KIF15: variants seen among roughly 807,000 people sequenced by gnomAD.
The protein encoded by KIF15 is kinesin-like protein KIF15.
Under a neutral mutation model 190.6 loss-of-function variants are expected in KIF15, and 140 were observed. The observed-to-expected ratio is 0.73, with a 90% CI of 0.64 to 0.84. KIF15 has a LOEUF of 0.84. KIF15 is among the 40% of genes least tolerant of loss of function. The pLI is 0.00. For synonymous variants in KIF15, 528 were observed against 551.3 expected (o/e 0.96, Z 0.59); for missense variants, 1,372 against 1,584.4 (o/e 0.87, Z 2.28).
At chr3:44,833,513 C>T (rs941494558) in intron 26 of KIF15, among the ~76,000 whole-genome samples, 3 of 151,854 alleles carry the variant, frequency 2.0e-5, no homozygotes, top group African/African-American at 2.4e-5. Flanking sequence ...AGTGCCCAAA[C>T]GAGATCCCTG....
chr3:44,795,615 G>A (rs373107587), intron 8 of KIF15, among the ~76,000 whole-genome samples: 1 of 152,074 alleles, frequency 6.6e-6, no homozygotes, highest in African/African-American at 2.4e-5. Context: ...TAAGTATCTA[G>A]TCCTAGGCTA....
chr3:44,801,272 T>C (rs927401735), intron 11 of KIF15, among the ~76,000 whole-genome samples, 178 bp from the exon 12 acceptor site: 2 of 151,510 alleles, frequency 1.3e-5, no homozygotes, highest in African/African-American at 2.4e-5. Context: ...AAGAAAGATA[T>C]CCGTCTGCTT....
At chr3:44,828,672 A>C (rs931672919) in intron 24 of KIF15, among the ~76,000 whole-genome samples, 1 of 152,230 alleles carries the variant, frequency 6.6e-6, no homozygotes, top group Admixed American at 6.5e-5. Flanking sequence ...TGTATGTCCA[A>C]GTTTAAATTA....
At chr3:44,827,017 C>A in intron 22 of KIF15, 1 of 456,552 alleles carries the variant, frequency 2.2e-6, no homozygotes, top group Non-Finnish European at 4.4e-6. Flanking sequence ...CAGTGGTGAA[C>A]GTAGAGCTTA....
chr3:44,838,239 C>T, intron 26 of KIF15, 36 bp from the exon 27 acceptor site: 1 of 1,557,524 alleles, frequency 6.4e-7, no homozygotes, highest in Non-Finnish European at 8.7e-7. Context: ...ATTGGAATAC[C>T]ATAATTAAGA....
intron 3 of KIF15, 54 bp downstream of exon 3, chr3:44,775,491 C>T: frequency 7.4e-7 from 1 of 1,358,998 alleles, no homozygotes; most frequent in Non-Finnish European, 1.0e-6. Context: ...GAGTCTCACT[C>T]TGTCACCAGG....
intron 20 of KIF15, among the ~76,000 whole-genome samples, chr3:44,821,657 G>C (rs1395403106): frequency 6.6e-6 from 1 of 152,050 alleles, no homozygotes; most frequent in East Asian, 1.9e-4. Flanking sequence ...GCCAGGCAGA[G>C]GGGCTCCTCA....
intron 16 of KIF15, 130 bp downstream of exon 16, chr3:44,806,116 ACTGGTCT>A: frequency 9.8e-7 from 1 of 1,018,936 alleles, no homozygotes; most frequent in Non-Finnish European, 1.4e-6. Flanking sequence ...CCGGTGTCAC[ACTGGTCT>A]TTGGGTTACT....
intron 6 of KIF15, chr3:44,862,041 C>T: frequency 7.3e-7 from 1 of 1,370,846 alleles, no homozygotes; most frequent in South Asian, 1.8e-5. Context: ...GCTTTTGGGG[C>T]GTATTCAACT....
At chr3:44,864,188 C>T (rs138103466) in intron 6 of KIF15, 1 of 1,613,552 alleles carries the variant, frequency 6.2e-7, no homozygotes, top group African/African-American at 1.3e-5. Flanking sequence ...GTGACACTTT[C>T]TCCTGCAGGT....
intron 5 of KIF15, among the ~76,000 whole-genome samples, chr3:44,781,738 T>C (rs1410212145): frequency 1.3e-5 from 2 of 152,224 alleles, no homozygotes; most frequent in Admixed American, 6.5e-5. Context: ...TTCTTGAGTA[T>C]GTATAGTATT....
intron 20 of KIF15, among the ~76,000 whole-genome samples, chr3:44,819,965 C>T (rs1708189280): frequency 6.6e-6 from 1 of 152,144 alleles, no homozygotes; most frequent in Non-Finnish European, 1.5e-5. Context: ...ATAGTTAGCT[C>T]TTTTTGTTGA....
In KIF15 at chr3:44,810,938, T is replaced by C; in HGVS notation, c.2064T>C (p.Thr688=). ...PEMGSFGSLY[T]QNSSILDNDI... ...TGGGAAGCTTTGGCTCTCTATACAC[T>C]CAGAATTCTAGCATATTAGATAATG... Residue 688 remains threonine, a synonymous_variant, in exon 17 of 35, where the codon ACT becomes ACC. Coordinates refer to ENST00000326047, the MANE Select transcript of KIF15 (RefSeq NM_020242.3). 1 of 1,613,622 alleles carries C rather than the reference T, an allele frequency of 6.2e-7. No individual in the cohort carries two copies. Among genetic ancestry groups the C allele is most frequent in the Non-Finnish European group, 8.5e-7 (1 of 1,179,786 alleles).
chr3:44,808,925 C>T (rs1379680200), intron 16 of KIF15, among the ~76,000 whole-genome samples: 1 of 152,206 alleles, frequency 6.6e-6, no homozygotes, highest in East Asian at 1.9e-4. Context: ...TGGTACCTAC[C>T]TCATTTTAAC....
At position 44,838,483 on chromosome 3, in the gene KIF15, C is replaced by G. The variant is rs1029221870; in HGVS notation, c.3318+62C>G. On this transcript the variant is annotated intron_variant, in intron 27 of 34. Transcript: ENST00000326047. ...AAGAGACCAAGTGTAGTGGCTCACT[C>G]CTGTAATCCCAGCACTTTGAGAGGC... 5.9e-6 allele frequency: 9 copies of G among 1,522,482 alleles called. No individual in the cohort carries two copies. The African/African-American group carries it at 1.2e-4, about 21-fold the overall frequency. 94.3% of individuals were successfully genotyped at this position (1,522,482 alleles called of 1,614,324 possible). A position where few individuals can be genotyped will look rare whatever the true frequency, so the allele number is the denominator to read the frequency against.
chr3:44,829,363 T>C (rs1048670011), intron 24 of KIF15, among the ~76,000 whole-genome samples: 1 of 132,092 alleles, frequency 7.6e-6, no homozygotes, highest in African/African-American at 3.0e-5. Flanking sequence ...TCTCAAAAAA[T>C]ATATATATAT....
At chr3:44,791,875 G>A (rs758146393) in intron 7 of KIF15, among the ~76,000 whole-genome samples, 25 of 151,910 alleles carry the variant, frequency 1.6e-4, no homozygotes, top group Non-Finnish European at 2.8e-4. Flanking sequence ...CTGCCACCAC[G>A]CCCAGCTAAA....
rs547681288 is a variant in KIF15, at chr3:44,770,459, G to C, written c.20-3936G>C. On this transcript the variant is annotated intron_variant, in intron 1 of 34. Transcript: ENST00000326047. ...CTCTTCTTGAGGTCCCAAGAGCATA[G>C]GGTTCCTGGGCCTGTTAAAAAGTGA... Among the ~76,000 whole-genome samples, 7 of 152,248 alleles carry C rather than the reference G, an allele frequency of 4.6e-5. No individual in the cohort carries two copies. In the East Asian group the frequency reaches 1.4e-3, roughly 29 times the overall value.
intron 6 of KIF15, chr3:44,862,794 A>C (rs1327488158): frequency 2.0e-5 from 3 of 151,994 alleles, no homozygotes; most frequent in African/African-American, 7.3e-5. Context: ...CTGCAGCCCA[A>C]GGTTAGCCTC....
Sources: allele counts gnomAD v4.1 joint callset (sites outside exome capture counted in the v4.1 genomes callset), GRCh38; gene constraint gnomAD v4.1.1; transcripts MANE v1.5; gene names NCBI Gene and HGNC (gene_info 2026-07-23, HGNC 2026-07-21).